DAAM2: variants seen among roughly 807,000 people sequenced by gnomAD.
DAAM2 encodes disheveled-associated activator of morphogenesis 2.
In DAAM2, 39 loss-of-function variants were observed where a neutral mutation model predicts 120.7. The ratio of observed to expected loss-of-function variants is 0.32; its 90% CI spans 0.25 to 0.42. The LOEUF is 0.42. DAAM2 is among the 10% of genes least tolerant of loss of function. DAAM2 has a pLI of 1.00. For missense variants in DAAM2, 1,283 were observed against 1,401.7 expected, an observed-to-expected ratio of 0.92 and a Z score of 1.35; for synonymous variants, 488 against 524.9, an observed-to-expected ratio of 0.93 and a Z score of 0.96.
intron 1 of DAAM2, chr6:39,819,540 C>G (rs571378601): frequency 1.5e-4 from 23 of 152,188 alleles, no homozygotes; most frequent in Non-Finnish European, 2.9e-4. Context: ...AGCTGCCTGA[C>G]TCCACAAGAT....
At chr6:39,896,434 C>A (rs895387997) in intron 19 of DAAM2, among the ~76,000 whole-genome samples, 2 of 152,112 alleles carry the variant, frequency 1.3e-5, no homozygotes, top group African/African-American at 4.8e-5. Flanking sequence ...GAACTCCTGA[C>A]TCAAGTGATC....
Position 39,900,206 on chromosome 6 carries a change from A to C in DAAM2, c.2809A>C (p.Lys937Gln). 6.2e-7 allele frequency: 1 copy of C among 1,609,828 alleles called. No individual in the cohort carries two copies. Among genetic ancestry groups the C allele is most frequent in the Non-Finnish European group, 8.5e-7 (1 of 1,178,264 alleles). ...LEDQLNEARD[K>Q]FAKALMHFGE... ...GGACCAGCTAAATGAGGCCAGGGAC[A>C]AGGTAAGGGTGCCCCAACCCCCACT... The change falls in exon 23 of 25, where the codon AAG becomes CAG. Residue 937 changes from lysine to glutamine, a missense_variant and splice_region_variant. Physicochemically the swap from Lys to Gln is moderately conservative, Grantham distance 53. Transcript: ENST00000274867.
At chr6:39,830,999 C>T (rs112821089) in intron 1 of DAAM2, among the ~76,000 whole-genome samples, 11 of 152,276 alleles carry the variant, frequency 7.2e-5, no homozygotes, top group Admixed American at 3.3e-4. Flanking sequence ...TTCACATCAA[C>T]GTGAGGGTGT....
At chr6:39,852,566 C>T (rs966359316) in intron 1 of DAAM2, among the ~76,000 whole-genome samples, 1 of 152,304 alleles carries the variant, frequency 6.6e-6, no homozygotes, top group Non-Finnish European at 1.5e-5. Flanking sequence ...ACCTTGCTGG[C>T]GATGATGGGA....
intron 1 of DAAM2, among the ~76,000 whole-genome samples, chr6:39,816,127 A>T (rs1287653559): frequency 6.6e-6 from 1 of 152,232 alleles, no homozygotes; most frequent in African/African-American, 2.4e-5. Flanking sequence ...TAGGTATATG[A>T]ATCACACGTT....
In DAAM2 at chr6:39,879,234, A is replaced by G. The variant is rs1765007604; in HGVS notation, c.1602A>G (p.Ser534=). The change falls in exon 14 of 25, where the codon TCA becomes TCG. Residue 534 remains serine, a synonymous_variant. Coordinates refer to ENST00000274867, the MANE Select transcript of DAAM2 (RefSeq NM_001201427.2). ...GGGGCCCACTCACCTTGTCTTCCTC[A>G]ATGACAACCAATGACCTGCCTCCAC... ...PPGGPLTLSS[S]MTTNDLPPPP... 1 of 1,548,336 alleles carries G rather than the reference A, an allele frequency of 6.5e-7. No individual in the cohort carries two copies. The highest frequency in any genetic ancestry group is 8.7e-7 in the Non-Finnish European group (1 of 1,145,056).
chr6:39,859,789 C>T (rs1295907128), intron 2 of DAAM2, among the ~76,000 whole-genome samples: 1 of 151,840 alleles, frequency 6.6e-6, no homozygotes, highest in Non-Finnish European at 1.5e-5. Flanking sequence ...ATATATGTCG[C>T]CCATGTTATC....
In DAAM2 at chr6:39,861,666, C is replaced by T. The variant is rs556007792; in HGVS notation, c.258+649C>T. 101 of 158,970 alleles carry T rather than the reference C, an allele frequency of 6.4e-4. 1 individual carries two copies. The South Asian group carries it at 0.01, about 16-fold the overall frequency. The allele number at this position is 158,970 out of a possible 1,614,324, so 9.8% of individuals were successfully genotyped here. On this transcript the variant is annotated intron_variant, in intron 3 of 24. Coordinates refer to ENST00000274867, the MANE Select transcript of DAAM2 (RefSeq NM_001201427.2). ...AGCTTGCCTCTGTCTCTACGTCTCT[C>T]TCTTGCCCCCTTTCTATTTTAGTCT...
At chr6:39,860,343 G>A (rs966111727) in intron 2 of DAAM2, among the ~76,000 whole-genome samples, 3 of 152,184 alleles carry the variant, frequency 2.0e-5, no homozygotes, top group African/African-American at 7.2e-5. Flanking sequence ...GGCATGGCTC[G>A]CCCATCCTAC....
intron 1 of DAAM2, among the ~76,000 whole-genome samples, chr6:39,815,194 G>T (rs1416494547): frequency 6.6e-6 from 1 of 152,192 alleles, no homozygotes; most frequent in Non-Finnish European, 1.5e-5. Flanking sequence ...ACTGAAGCCT[G>T]GGAACTGCTG....
At chr6:39,888,638 G>T in intron 16 of DAAM2, 41 bp from the exon 17 acceptor site, 1 of 1,587,408 alleles carries the variant, frequency 6.3e-7, no homozygotes, top group Admixed American at 1.7e-5. Flanking sequence ...GGAGAAGAAG[G>T]TTTGAGGGCT....
intron 15 of DAAM2, chr6:39,887,274 T>C: frequency 4.0e-6 from 2 of 503,272 alleles, no homozygotes; most frequent in South Asian, 5.5e-5. Flanking sequence ...CTCGGTGTCC[T>C]TCCCCAACCC....
Position 39,887,568 on chromosome 6 carries a change from A to C in DAAM2, c.2036A>C (p.Gln679Pro), listed in dbSNP as rs1427085625. 1.2e-6 allele frequency: 2 copies of C among 1,613,434 alleles called. No homozygotes were observed. Among genetic ancestry groups the C allele is most frequent in the East Asian group, 2.2e-5 (1 of 44,868 alleles). Residue 679 changes from glutamine to proline, a missense_variant, in exon 16 of 25, where the codon CAA becomes CCA. By Grantham distance (76) the Gln-to-Pro change is moderately conservative. Around this residue, in one of 3 missense-constraint regions of DAAM2, gnomAD observed 748 missense variants for 768.6 expected, o/e 0.97. Transcript: ENST00000274867. ...TCGGTCATTGATGGCCGGAGGGCCC[A>C]AAACTGCATCATCCTTCTTTCCAAG... ...ELSVIDGRRA[Q>P]NCIILLSKLK...
intron 1 of DAAM2, among the ~76,000 whole-genome samples, chr6:39,851,528 G>T (rs1449961381): frequency 1.3e-5 from 2 of 152,202 alleles, no homozygotes; most frequent in Admixed American, 6.5e-5. Flanking sequence ...TAAGACTGAG[G>T]GATAAACACT....
chr6:39,890,246 C>T (rs965155193), intron 17 of DAAM2, among the ~76,000 whole-genome samples: 2 of 152,180 alleles, frequency 1.3e-5, no homozygotes, highest in Non-Finnish European at 2.9e-5. Flanking sequence ...GTTGGTCTTG[C>T]TGTCTCAGGG....
Position 39,904,084 on chromosome 6 carries a change from G to A in DAAM2, c.*2047G>A. ...TAACCCCCTCAGGGGCAGGGAACAG[G>A]GGAGGGCTCCACAAGCGTGTCTGGC... On this transcript the variant is annotated 3_prime_UTR_variant, in exon 25 of 25. Coordinates refer to ENST00000274867, the MANE Select transcript of DAAM2 (RefSeq NM_001201427.2). 7.1e-6 allele frequency: 3 copies of A among 420,958 alleles called. No individual in the cohort carries two copies. Among genetic ancestry groups the A allele is most frequent in the African/African-American group, 2.0e-5 (1 of 49,126 alleles). 26.1% of individuals were successfully genotyped at this position (420,958 alleles called of 1,614,324 possible).
chr6:39,899,513 G>A (rs1766343081), intron 22 of DAAM2: 1 of 157,920 alleles, frequency 6.3e-6, no homozygotes, highest in South Asian at 1.9e-4. Flanking sequence ...AGGAAGAAGG[G>A]ACCCGTTCCG....
In DAAM2 at chr6:39,904,264, T is replaced by G; in HGVS notation, c.*2227T>G. The G allele has an allele frequency of 2.2e-6, 1 of 456,780 alleles. No homozygotes were observed. Among genetic ancestry groups the G allele is most frequent in the South Asian group, 1.5e-5 (1 of 64,572 alleles). 28.3% of individuals were successfully genotyped at this position (456,780 alleles called of 1,614,324 possible). ...GTTCCAGAGCTCAGCCTTCTCACTC[T>G]AAAAGAAAGATATTTTTCTATTTAT... On this transcript the variant is annotated 3_prime_UTR_variant, in exon 25 of 25. Transcript: ENST00000274867.
chr6:39,867,184 A>T (rs1764466110), intron 5 of DAAM2: 1 of 286,636 alleles, frequency 3.5e-6, no homozygotes, highest in East Asian at 8.0e-5. Context: ...TAATTCTCTT[A>T]ATCTCCATCC....
Sources: gnomAD v4.1 joint callset for allele counts (sites outside exome capture counted in the v4.1 genomes callset) on GRCh38, gnomAD v4.1.1 for gene constraint, gnomAD v4.1.1 regional missense constraint, MANE v1.5 for transcripts, NCBI Gene and HGNC (gene_info 2026-07-23, HGNC 2026-07-21) for gene names.